Variants in GNA12 observed in about 807,000 individuals in gnomAD.
GNA12 encodes the protein G protein subunit alpha 12.
Under a neutral mutation model 26.0 loss-of-function variants are expected in GNA12, and 9 were observed. The ratio of observed to expected loss-of-function variants is 0.35; its 90% CI spans 0.21 to 0.60. The LOEUF (loss-of-function observed/expected upper bound fraction) is 0.60, where lower values mean the gene tolerates loss of function less well. Ranked by LOEUF, GNA12 falls within the 20% of genes least tolerant of loss-of-function variation. GNA12 has a pLI of 0.78. For missense variants in GNA12, 405 were observed against 525.8 expected (o/e 0.77, Z 2.25); for synonymous variants, 264 against 219.6 (o/e 1.20, Z -1.79).
chr7:2,759,188 TAAAA>T (rs1791444309), intron 2 of GNA12, among the ~76,000 whole-genome samples: 1 of 144,520 alleles, frequency 6.9e-6, no homozygotes. Flanking sequence ...AATAAATAAA[TAAAA>T]TAAAAATAAA....
At chr7:2,769,983 T>C (rs1791908213) in intron 2 of GNA12, among the ~76,000 whole-genome samples, 1 of 152,216 alleles carries the variant, frequency 6.6e-6, no homozygotes, top group African/African-American at 2.4e-5. Context: ...TTTTCAAAAT[T>C]GCTTTTATAA....
At chr7:2,748,367 C>T (rs1325363764) in intron 2 of GNA12, among the ~76,000 whole-genome samples, 1 of 152,216 alleles carries the variant, frequency 6.6e-6, no homozygotes, top group Admixed American at 6.5e-5. Context: ...ATATCTACAA[C>T]TATCTGATCT....
At position 2,795,037 on chromosome 7, in the gene GNA12, C is replaced by T; in HGVS notation, c.416G>A (p.Gly139Glu). The T allele has an allele frequency of 1.9e-6, 3 of 1,614,060 alleles. 1 individual carries two copies. In the South Asian group the frequency reaches 3.3e-5, roughly 18 times the overall value. The change falls in exon 2 of 4, where the codon GGG (glycine) becomes GAG (glutamate). Residue 139 changes from glycine (G) to glutamate (E), a missense_variant. Gly to Glu is a moderately conservative substitution (Grantham distance 98, BLOSUM62 -2). Coordinates refer to ENST00000275364, the MANE Select transcript of GNA12 (RefSeq NM_007353.3). ...GAAGGTGGCCGGCTCCACAGGCAGC[C>T]CCGCCTTGTTCTCGAAGGCCATCAG... The part of the protein sequence containing the change: ...MFLMAFENKA[G>E]LPVEPATFQL...
At chr7:2,841,450 G>A (rs1210066483) in intron 1 of GNA12, among the ~76,000 whole-genome samples, 3 of 152,204 alleles carry the variant, frequency 2.0e-5, no homozygotes, top group African/African-American at 4.8e-5. Context: ...ATCTTTAACA[G>A]AGAAGTTACA....
At chr7:2,752,206 A>T (rs1447317398) in intron 2 of GNA12, among the ~76,000 whole-genome samples, 1 of 152,224 alleles carries the variant, frequency 6.6e-6, no homozygotes, top group East Asian at 1.9e-4. Context: ...TAGATGCAGA[A>T]AAAAAGCATG....
rs765610501 is a variant in GNA12, at chr7:2,794,997, C to T, written c.456G>A (p.Pro152=). Residue 152 remains proline (P), a synonymous_variant, in exon 2 of 4, where the codon CCG becomes CCA. Transcript: ENST00000275364. ...VEPATFQLYV[P]ALSALWRDSG... ...AATCCCTCCAGAGTGCGCTCAGGGC[C>T]GGGACGTACAGCTGGAAGGTGGCCG... is the stretch of plus-strand genomic sequence containing the variant. The T allele has an allele frequency of 1.3e-5, 21 of 1,614,058 alleles. No individual in the cohort carries two copies. In the East Asian group the frequency reaches 1.8e-4, roughly 14 times the overall value.
At chr7:2,801,090 T>A (rs1470358753) in intron 1 of GNA12, among the ~76,000 whole-genome samples, 3 of 152,042 alleles carry the variant, frequency 2.0e-5, no homozygotes, top group African/African-American at 7.3e-5. Context: ...CTCTCCATCA[T>A]CCAGGCAGAT....
intron 1 of GNA12, among the ~76,000 whole-genome samples, chr7:2,820,968 T>A (rs1793335820): frequency 6.6e-6 from 1 of 152,228 alleles, no homozygotes; most frequent in African/African-American, 2.4e-5. Flanking sequence ...CTTGAACTGC[T>A]GACTTCAAGA....
Position 2,778,482 on chromosome 7 carries a change from G to T in GNA12, c.525+16446C>A, listed in dbSNP as rs552647790. On this transcript the variant is annotated intron_variant, in intron 2 of 3. Transcript: ENST00000275364. The stretch of plus-strand genomic sequence containing the variant: ...TTCTTCCATGACACTCACACCAACA[G>T]CTCCCTACTTACATAGAGCTGGAGG... Among the ~76,000 whole-genome samples the T allele has an allele frequency of 2.0e-5, 3 of 152,244 alleles. No homozygotes were observed. The South Asian group carries it at 6.2e-4, about 32-fold the overall frequency.
Position 2,814,813 on chromosome 7 carries a change from G to A in GNA12, c.310-19670C>T. On this transcript the variant is annotated intron_variant, in intron 1 of 3. Coordinates refer to ENST00000275364, the MANE Select transcript of GNA12 (RefSeq NM_007353.3). ...CTGACCTGCCCCGCACTGCTCCCAA[G>A]CACCCTTCCTGTGCTCCCGACAGCA... 4.6e-6 allele frequency: 7 copies of A among 1,511,816 alleles called. No homozygotes were observed. In the Admixed American group the frequency reaches 9.4e-5, roughly 20 times the overall value. 93.7% of individuals were successfully genotyped at this position (1,511,816 alleles called of 1,614,324 possible). A position where few individuals can be genotyped will look rare whatever the true frequency, so the allele number is the denominator to read the frequency against.
At chr7:2,769,725 T>A (rs759509309) in intron 2 of GNA12, among the ~76,000 whole-genome samples, 11 of 151,848 alleles carry the variant, frequency 7.2e-5, no homozygotes, top group Non-Finnish European at 1.3e-4. Flanking sequence ...AGAGTGAGAC[T>A]CTGTCTCAGA....
At chr7:2,785,105 T>A (rs1332488668) in intron 2 of GNA12, among the ~76,000 whole-genome samples, 1 of 152,128 alleles carries the variant, frequency 6.6e-6, no homozygotes, top group Non-Finnish European at 1.5e-5. Context: ...AAGGCCAACA[T>A]CACAGGCAGA....
At chr7:2,837,190 C>A (rs1458449917) in intron 1 of GNA12, among the ~76,000 whole-genome samples, 3 of 143,144 alleles carry the variant, frequency 2.1e-5, no homozygotes, top group African/African-American at 7.9e-5. Flanking sequence ...GCACCCCCAC[C>A]ACGAGGCAGA....
At chr7:2,811,356 C>A (rs1793077018) in intron 1 of GNA12, among the ~76,000 whole-genome samples, 1 of 152,190 alleles carries the variant, frequency 6.6e-6, no homozygotes, top group Non-Finnish European at 1.5e-5. Context: ...CCGCGGCTCA[C>A]ACAGAAGACA....
At chr7:2,834,076 T>C (rs547118155) in intron 1 of GNA12, among the ~76,000 whole-genome samples, 5 of 152,328 alleles carry the variant, frequency 3.3e-5, no homozygotes, top group African/African-American at 1.2e-4. Context: ...CACAGATACA[T>C]GAATTTTCTA....
At chr7:2,825,844 C>T (rs971098108) in intron 1 of GNA12, among the ~76,000 whole-genome samples, 3 of 151,898 alleles carry the variant, frequency 2.0e-5, no homozygotes, top group Admixed American at 6.5e-5. Flanking sequence ...CTCATTCCAG[C>T]GTTCATCCCA....
chr7:2,809,180 C>T (rs1198633560), intron 1 of GNA12, among the ~76,000 whole-genome samples: 1 of 152,182 alleles, frequency 6.6e-6, no homozygotes, highest in Non-Finnish European at 1.5e-5. Context: ...CCACCGAGCA[C>T]AAGCCCCACA....
Position 2,731,418 on chromosome 7 carries a change from C to A in GNA12, c.909G>T (p.Glu303Asp). The change falls in exon 4 of 4, where the codon GAG (glutamate) becomes GAT (aspartate). Residue 303 changes from glutamate to aspartate, a missense_variant. Coordinates refer to ENST00000275364, the MANE Select transcript of GNA12 (RefSeq NM_007353.3). The surrounding 1 kb of genome is among the most constrained non-coding windows in gnomAD (Gnocchi z 6.0). ...LFLNKMDLLV[E>D]KVKTVSIKKH... ...TCTTGATGCTCACGGTCTTCACCTT[C>A]TCCACCAGGAGGTCCATCTTGTTGA... The A allele has an allele frequency of 6.2e-7, 1 of 1,613,352 alleles. No individual in the cohort carries two copies. The highest frequency in any genetic ancestry group is 8.5e-7 in the Non-Finnish European group (1 of 1,179,444).
intron 1 of GNA12, among the ~76,000 whole-genome samples, chr7:2,841,990 G>T (rs73033412): frequency 1.9e-5 from 2 of 104,618 alleles, no homozygotes; most frequent in Non-Finnish European, 3.9e-5. Context: ...GACAAGGAAA[G>T]GGTAGAGAGG....
Sources: gnomAD v4.1 joint callset for allele counts (sites outside exome capture counted in the v4.1 genomes callset) on GRCh38, gnomAD v4.1.1 for gene constraint, Gnocchi (gnomAD v3.1) non-coding constraint, MANE v1.5 for transcripts, NCBI Gene and HGNC (gene_info 2026-07-23, HGNC 2026-07-21) for gene names.